The following CRMP1 variants were observed in gnomAD, a reference collection of about 807,000 sequenced individuals.
CRMP1 encodes collapsin response mediator protein 1.
A neutral mutation model predicts 68.3 loss-of-function variants in CRMP1; 19 were observed. The ratio of observed to expected loss-of-function variants is 0.28; its 90% CI spans 0.19 to 0.41. The LOEUF (loss-of-function observed/expected upper bound fraction) is 0.41, where lower values mean the gene tolerates loss of function less well. CRMP1 is among the 10% of genes least tolerant of loss of function. CRMP1 has a pLI of 1.00. For synonymous variants in CRMP1, 439 were observed against 399.6 expected (o/e 1.10, Z -1.18); for missense variants, 791 against 967.4 (o/e 0.82, Z 2.42).
rs902443054 is a variant in CRMP1 at position 5,865,477 on chromosome 4, G to A, written c.470+1191C>T. Among the ~76,000 whole-genome samples, 3 of 151,902 alleles carry A rather than the reference G, an allele frequency of 2.0e-5. No individual in the cohort carries two copies. The highest frequency in any genetic ancestry group is 2.9e-5 in the Non-Finnish European group (2 of 67,966). ...CTCTACTAAAATGCAAAAAAGTAGC[G>A]GGGCATGGTGATGCATGCCTGTAGT... is the stretch of plus-strand genomic sequence containing the variant. On this transcript the variant is annotated intron_variant, in intron 2 of 13. Coordinates refer to ENST00000324989, the MANE Select transcript of CRMP1 (RefSeq NM_001014809.3). The surrounding 1 kb of genome is among the most constrained non-coding windows in gnomAD (Gnocchi z 4.1).
chr4:5,879,171 G>A lies in CRMP1; in HGVS notation c.382-12415C>T, dbSNP rs1052554463. ...CCGGCCTGAGCCCGGCCCTCTCTCG[G>A]CCGCGCCCCACCACATCTATCTACG... On this transcript the variant is annotated intron_variant, in intron 1 of 13. Transcript: ENST00000324989. The surrounding 1 kb of genome is among the most constrained non-coding windows in gnomAD (Gnocchi z 4.2). Among the ~76,000 whole-genome samples, 2 of 103,504 alleles carry A rather than the reference G, an allele frequency of 1.9e-5. No individual in the cohort carries two copies. The highest frequency in any genetic ancestry group is 1.1e-4 in the Admixed American group (1 of 9,434). The allele number at this position is 103,504 out of a possible 152,430, so 67.9% of individuals were successfully genotyped here.
intron 12 of CRMP1, chr4:5,828,222 C>A (rs1031370274): frequency 3.0e-6 from 3 of 985,288 alleles, no homozygotes; most frequent in African/African-American, 3.5e-5. Flanking sequence ...GCTTGGTAAG[C>A]GTCCCTCCCA....
rs2152460443 is a variant in CRMP1 at position 5,842,659 on chromosome 4, C to T, written c.1032+434G>A. On this transcript the variant is annotated intron_variant, in intron 7 of 13. Transcript: ENST00000324989. This position sits in a 1 kb window ranked among gnomAD's most constrained non-coding sequence, Gnocchi z 4.5. ...ACACGCACTGTCTCTCTCACACACA[C>T]ACACTAACATACACACACTCACACA... Among the ~76,000 whole-genome samples, 1 of 151,456 alleles carries T rather than the reference C, an allele frequency of 6.6e-6. No homozygotes were observed. The highest frequency in any genetic ancestry group is 3.4e-3 in the Middle Eastern group (1 of 294).
intron 6 of CRMP1, among the ~76,000 whole-genome samples, chr4:5,845,408 A>C (rs2152461251): frequency 6.6e-6 from 1 of 152,356 alleles, no homozygotes; most frequent in African/African-American, 2.4e-5. Context: ...ATGTGCAAGG[A>C]ACCGAGGGAG....
chr4:5,882,393 C>G (rs535484966), intron 1 of CRMP1, among the ~76,000 whole-genome samples: 5 of 152,172 alleles, frequency 3.3e-5, no homozygotes, highest in Non-Finnish European at 7.3e-5. Flanking sequence ...CCTCATGTAG[C>G]ATGAGCAAAA....
chr4:5,852,609 C>T (rs1349779786), intron 4 of CRMP1, among the ~76,000 whole-genome samples: 2 of 152,224 alleles, frequency 1.3e-5, no homozygotes, highest in African/African-American at 4.8e-5. Flanking sequence ...TTACTAAAGG[C>T]ATCTTTCATG....
intron 1 of CRMP1, among the ~76,000 whole-genome samples, chr4:5,871,021 C>T (rs1446057382): frequency 6.6e-6 from 1 of 152,166 alleles, no homozygotes; most frequent in African/African-American, 2.4e-5. Context: ...TATTTTAATG[C>T]ACTGTGTGCC....
rs769406138 is a variant in CRMP1, at chr4:5,838,751, G to A, written c.1310+771C>T. Among the ~76,000 whole-genome samples the A allele has an allele frequency of 5.3e-5, 8 of 152,096 alleles. No individual in the cohort carries two copies. The highest frequency in any genetic ancestry group is 1.2e-4 in the Non-Finnish European group (8 of 68,002). ...GGGGGATGGTGATTTCCACGTGGGC[G>A]CACACCACTGCCCCCTCCTCCAAGG... On this transcript the variant is annotated intron_variant, in intron 9 of 13. Coordinates refer to ENST00000324989, the MANE Select transcript of CRMP1 (RefSeq NM_001014809.3). This position sits in a 1 kb window ranked among gnomAD's most constrained non-coding sequence, Gnocchi z 4.9.
rs1715358561 is a variant in CRMP1, at chr4:5,883,452, C to T, written c.381+9137G>A. The stretch of plus-strand genomic sequence containing the variant: ...AATAGCTGGGATTACAGGTGCCCGC[C>T]ACCATGCCTGGCTAATTTTTGTATT... On this transcript the variant is annotated intron_variant, in intron 1 of 13. Coordinates refer to ENST00000324989, the MANE Select transcript of CRMP1 (RefSeq NM_001014809.3). The surrounding 1 kb of genome is among the most constrained non-coding windows in gnomAD (Gnocchi z 4.5). Among the ~76,000 whole-genome samples the T allele has an allele frequency of 6.6e-6, 1 of 152,112 alleles. No individual in the cohort carries two copies. The highest frequency in any genetic ancestry group is 1.5e-5 in the Non-Finnish European group (1 of 68,022).
At position 5,845,130 on chromosome 4, in the gene CRMP1, G is replaced by A. The variant is rs1712095004; in HGVS notation, c.964-1969C>T. Among the ~76,000 whole-genome samples the A allele has an allele frequency of 2.6e-5, 4 of 152,206 alleles. No homozygotes were observed. The South Asian group carries it at 8.3e-4, about 32-fold the overall frequency. ...TGTGTGCTGTATGCTTCCATTTTTA[G>A]AAAGTTTAAAATCAGCTAAGATTTG... On this transcript the variant is annotated intron_variant, in intron 6 of 13. Transcript: ENST00000324989.
rs925948608 is a variant in CRMP1 at position 5,883,302 on chromosome 4, C to T, written c.381+9287G>A. Reference sequence around the variant, plus strand: ...TTCCTGTCTTTCTATCTTTCTCTTTCTTTCTTCTTTTTTGTTTGAGAGAGT... The same window carrying T: ...TTCCTGTCTTTCTATCTTTCTCTTTTTTTCTTCTTTTTTGTTTGAGAGAGT... On this transcript the variant is annotated intron_variant, in intron 1 of 13. Transcript: ENST00000324989. The surrounding 1 kb of genome is among the most constrained non-coding windows in gnomAD (Gnocchi z 4.5). Among the ~76,000 whole-genome samples, 105 of 147,100 alleles carry T rather than the reference C, an allele frequency of 7.1e-4. No individual in the cohort carries two copies. Among genetic ancestry groups the T allele is most frequent in the Non-Finnish European group, 1.3e-3 (85 of 66,790 alleles).
chr4:5,866,886 A>G lies in CRMP1; in HGVS notation c.382-130T>C, dbSNP rs1577820579. On this transcript the variant is annotated intron_variant, in intron 1 of 13. Coordinates refer to ENST00000324989, the MANE Select transcript of CRMP1 (RefSeq NM_001014809.3). This position sits in a 1 kb window ranked among gnomAD's most constrained non-coding sequence, Gnocchi z 5.9. Reference sequence around the variant, plus strand: ...AGGCATTTAACTTCCCCCGCCCCAGATCCATCACCAGCTTCAATACTTCTC... The same window carrying G: ...AGGCATTTAACTTCCCCCGCCCCAGGTCCATCACCAGCTTCAATACTTCTC... 1.7e-6 allele frequency: 1 copy of G among 587,456 alleles called. No homozygotes were observed. The highest frequency in any genetic ancestry group is 2.9e-5 in the East Asian group (1 of 34,246). The allele number at this position is 587,456 out of a possible 1,614,324, so 36.4% of individuals were successfully genotyped here. A position where few individuals can be genotyped will look rare whatever the true frequency, so the allele number is the denominator to read the frequency against.
At chr4:5,827,652 A>T (rs1719862358) in intron 12 of CRMP1, among the ~76,000 whole-genome samples, 1 of 151,856 alleles carries the variant, frequency 6.6e-6, no homozygotes, top group Non-Finnish European at 1.5e-5. Context: ...ACGCACACAC[A>T]TCCCCATATG....
Position 5,891,175 on chromosome 4 carries a change from TACACACACACACACACAC to T in CRMP1, c.381+1396_381+1413del, listed in dbSNP as rs58583102. On this transcript the variant is annotated intron_variant, in intron 1 of 13. Transcript: ENST00000324989. The surrounding 1 kb of genome is among the most constrained non-coding windows in gnomAD (Gnocchi z 5.2). ...TGATCACCCCACCACCACACACACA[TACACACACACACACACAC>T]ACACACACACACACACACACCCTTG... Among the ~76,000 whole-genome samples, 1 of 131,964 alleles carries T rather than the reference TACACACACACACACACAC, an allele frequency of 7.6e-6. No homozygotes were observed. The highest frequency in any genetic ancestry group is 2.7e-4 in the South Asian group (1 of 3,664). The allele number at this position is 131,964 out of a possible 152,430, so 86.6% of individuals were successfully genotyped here.
chr4:5,880,908 C>T (rs1715181237), intron 1 of CRMP1, among the ~76,000 whole-genome samples: 1 of 152,230 alleles, frequency 6.6e-6, no homozygotes, highest in Non-Finnish European at 1.5e-5. Flanking sequence ...TGTGAATCCC[C>T]AGTGTTCCTG....
At position 5,866,587 on chromosome 4, in the gene CRMP1, G is replaced by C; in HGVS notation, c.470+81C>G. The C allele has an allele frequency of 1.9e-6, 2 of 1,033,470 alleles. No individual in the cohort carries two copies. Among genetic ancestry groups the C allele is most frequent in the Non-Finnish European group, 1.5e-6 (1 of 675,608 alleles). 64.0% of individuals were successfully genotyped at this position (1,033,470 alleles called of 1,614,324 possible). A position where few individuals can be genotyped will look rare whatever the true frequency, so the allele number is the denominator to read the frequency against. ...TACACAGCCCCGTCATTCTAGGACAGAATGCCAGCCTTCTGTTCCATCTAA... is the reference window on the plus strand; with the variant it reads ...TACACAGCCCCGTCATTCTAGGACACAATGCCAGCCTTCTGTTCCATCTAA... On this transcript the variant is annotated intron_variant, in intron 2 of 13. Transcript: ENST00000324989. The surrounding 1 kb of genome is among the most constrained non-coding windows in gnomAD (Gnocchi z 5.9).
rs776901530 is a variant in CRMP1 at position 5,821,771 on chromosome 4, T to C, written c.2050A>G (p.Ser684Gly). The C allele has an allele frequency of 1.2e-6, 2 of 1,610,370 alleles. No homozygotes were observed. The highest frequency in any genetic ancestry group is 1.7e-6 in the Non-Finnish European group (2 of 1,178,212). The change falls in exon 14 of 14, where the codon AGC becomes GGC. Residue 684 changes from serine (S) to glycine (G), a missense_variant. Transcript: ENST00000324989. The surrounding 1 kb of genome is among the most constrained non-coding windows in gnomAD (Gnocchi z 4.4). ...CCGCGCATCCACGTTCAACCGAGGC[T>C]GGTGATGTTGGAGCGGCCACCAGGG... The part of the protein sequence containing the change: ...APPGGRSNIT[S>G]LG
chr4:5,851,948 A>G, intron 4 of CRMP1, among the ~76,000 whole-genome samples: 1 of 125,514 alleles, frequency 8.0e-6, no homozygotes, highest in Non-Finnish European at 1.6e-5. Context: ...AGGAGGAGAA[A>G]GGGAGAAGAA....
rs1467773702 is a variant in CRMP1, at chr4:5,825,808, G to T, written c.1804-149C>A. 5 of 728,388 alleles carry T rather than the reference G, an allele frequency of 6.9e-6. No homozygotes were observed. The highest frequency in any genetic ancestry group is 1.1e-5 in the Non-Finnish European group (5 of 444,904). The allele number at this position is 728,388 out of a possible 1,614,324, so 45.1% of individuals were successfully genotyped here. On this transcript the variant is annotated intron_variant, in intron 12 of 13. Transcript: ENST00000324989. This position sits in a 1 kb window ranked among gnomAD's most constrained non-coding sequence, Gnocchi z 4.4. ...CACACACAACACGCACACACGACAGGTGCACTTCACACACATGCAGCCGCA... is the reference window on the plus strand; with the variant it reads ...CACACACAACACGCACACACGACAGTTGCACTTCACACACATGCAGCCGCA...
Sources: allele counts gnomAD v4.1 joint callset (sites outside exome capture counted in the v4.1 genomes callset), GRCh38; gene constraint gnomAD v4.1.1; non-coding constraint Gnocchi (gnomAD v3.1); transcripts MANE v1.5; gene names NCBI Gene and HGNC (gene_info 2026-07-23, HGNC 2026-07-21).